MGRN1: variants seen among roughly 807,000 people sequenced by gnomAD.
MGRN1 encodes the protein mahogunin ring finger 1.
In MGRN1, 29 loss-of-function variants were observed where a neutral mutation model predicts 69.2. The ratio of observed to expected loss-of-function variants is 0.42; its 90% CI spans 0.31 to 0.57. The LOEUF is 0.57. Among genes scored for constraint, MGRN1 ranks in the 20% least tolerant of loss-of-function variants. The pLI is 0.15. For missense variants in MGRN1, 998 were observed against 796.2 expected (o/e 1.25, Z -3.05); for synonymous variants, 470 against 344.2 (o/e 1.37, Z -4.04).
chr16:4,673,977 C>T (rs1349400524), intron 10 of MGRN1, among the ~76,000 whole-genome samples: 1 of 152,174 alleles, frequency 6.6e-6, no homozygotes, highest in Non-Finnish European at 1.5e-5. Flanking sequence ...AATCTTTATT[C>T]TTATTTTATT....
At chr16:4,655,063 C>T (rs1201190741) in intron 4 of MGRN1, among the ~76,000 whole-genome samples, 1 of 152,202 alleles carries the variant, frequency 6.6e-6, no homozygotes, top group Non-Finnish European at 1.5e-5. Context: ...GCCCCTCTGT[C>T]CCCTCCTTGC....
In MGRN1 at chr16:4,652,688, G is replaced by T. The variant is rs776858596; in HGVS notation, c.307G>T (p.Asp103Tyr). ...CACCGCCTGGGGTAGGTACAAAGAC[G>T]ATGCCGACAGCCCCACCGAGGACGG... The part of the protein sequence containing the change: ...DSLRLVRYKD[D>Y]ADSPTEDGDK... Residue 103 changes from aspartate (D) to tyrosine (Y), a missense_variant, in exon 4 of 17, where the codon GAT (aspartate) becomes TAT (tyrosine). Physicochemically the swap from Asp to Tyr is radical, Grantham distance 160 (BLOSUM62 -3). Transcript: ENST00000262370. The T allele has an allele frequency of 6.2e-7, 1 of 1,612,576 alleles. No homozygotes were observed. The highest frequency in any genetic ancestry group is 1.7e-5 in the Admixed American group (1 of 59,822).
Position 4,657,738 on chromosome 16 carries a change from C to CTTTTTTTTTTTTTTTTTTTTT in MGRN1, c.561+382_561+402dup, listed in dbSNP as rs1157518931. 1.7e-4 allele frequency among the ~76,000 whole-genome samples: 13 copies of CTTTTTTTTTTTTTTTTTTTTT among 77,000 alleles called. 2 individuals carry two copies. The highest frequency in any genetic ancestry group is 4.6e-4 in the Admixed American group (3 of 6,552). The allele number at this position is 77,000 out of a possible 152,430, so 50.5% of individuals were successfully genotyped here. A position where few individuals can be genotyped will look rare whatever the true frequency, so the allele number is the denominator to read the frequency against. On this transcript the variant is annotated intron_variant, in intron 5 of 16. Coordinates refer to ENST00000262370, the MANE Select transcript of MGRN1 (RefSeq NM_015246.4). ...TGTTTAAAATCTTGGTGCAGACATCCTTTTTTTTTTTTTTTTTTTTTTTTT... is the reference window on the plus strand; with the variant it reads ...TGTTTAAAATCTTGGTGCAGACATCCTTTTTTTTTTTTTTTTTTTTTTTTTTTTTTTTTTTTTTTTTTTTTT...
Position 4,688,879 on chromosome 16 carries a change from C to G in MGRN1, c.1702C>G (p.Pro568Ala), listed in dbSNP as rs529248442. The G allele has an allele frequency of 2.6e-6, 4 of 1,552,406 alleles. No individual in the cohort carries two copies. Among genetic ancestry groups the G allele is most frequent in the South Asian group, 1.2e-5 (1 of 84,412 alleles). Residue 568 changes from proline (P) to alanine (A), a missense_variant, in exon 17 of 17, where the codon CCC (proline) becomes GCC (alanine). By Grantham distance (27) the Pro-to-Ala change is conservative (BLOSUM62 -1). Coordinates refer to ENST00000262370, the MANE Select transcript of MGRN1 (RefSeq NM_015246.4). ...WPPLGGPSPD[P>A]SAAELTPL ...TCCACTTGGTGGCCCCAGCCCCGAT[C>G]CCAGCGCCGCCGAGCTGACCCCACT... is the stretch of plus-strand genomic sequence containing the variant.
At chr16:4,626,017 T>A (rs975084394) in intron 1 of MGRN1, among the ~76,000 whole-genome samples, 9 of 152,212 alleles carry the variant, frequency 5.9e-5, no homozygotes, top group African/African-American at 2.2e-4. Flanking sequence ...GGGGGAGGAC[T>A]GCTAGACATG....
chr16:4,655,059 C>G (rs1256509575), intron 4 of MGRN1, among the ~76,000 whole-genome samples: 1 of 152,230 alleles, frequency 6.6e-6, no homozygotes, highest in Non-Finnish European at 1.5e-5. Context: ...GCAGGCCCCT[C>G]TGTCCCCTCC....
At chr16:4,636,491 C>T (rs895350610) in intron 1 of MGRN1, among the ~76,000 whole-genome samples, 3 of 151,992 alleles carry the variant, frequency 2.0e-5, no homozygotes, top group Non-Finnish European at 4.4e-5. Flanking sequence ...GCGGTGGTGC[C>T]CTTGAGCCTG....
chr16:4,639,920 C>T (rs909079019), intron 1 of MGRN1: 5 of 152,328 alleles, frequency 3.3e-5, no homozygotes, highest in East Asian at 1.9e-4. Flanking sequence ...CTACTTTACT[C>T]ATCTGCCCTC....
At chr16:4,668,140 T>A in intron 7 of MGRN1, 125 bp from the exon 8 acceptor site, 1 of 644,500 alleles carries the variant, frequency 1.6e-6, no homozygotes, top group Non-Finnish European at 2.5e-6. Context: ...TTTTTTTTTC[T>A]TTTTTCTTTT....
At chr16:4,628,848 T>C (rs1897837920) in intron 1 of MGRN1, among the ~76,000 whole-genome samples, 4 of 151,906 alleles carry the variant, frequency 2.6e-5, no homozygotes, top group Admixed American at 2.6e-4. Flanking sequence ...CCCAGCCTTT[T>C]CTGTTTTTTT....
In MGRN1 at chr16:4,671,375, C is replaced by G. The variant is rs758008974; in HGVS notation, c.727-16C>G. ...GCAGTTGGCGAGGGCCCAGTGAGCC[C>G]CTCTCTGCTCTCCAGGTGGACCGGG... On this transcript the variant is annotated splice_polypyrimidine_tract_variant and intron_variant, in intron 8 of 16. Transcript: ENST00000262370. 6.2e-7 allele frequency: 1 copy of G among 1,613,902 alleles called. No homozygotes were observed. Among genetic ancestry groups the G allele is most frequent in the African/African-American group, 1.3e-5 (1 of 75,018 alleles).
In MGRN1 at chr16:4,624,947, C is replaced by A. The variant is rs773438773; in HGVS notation, c.-14C>A. ...TTCCGGCCCTGGCCCCTCTGCCCGG[C>A]AGCGCCGCGCACCATGGGCTCCATT... is the stretch of plus-strand genomic sequence containing the variant. On this transcript the variant is annotated 5_prime_UTR_variant, in exon 1 of 17. Transcript: ENST00000262370. The A allele has an allele frequency of 1.3e-6, 2 of 1,533,098 alleles. No homozygotes were observed. The highest frequency in any genetic ancestry group is 2.0e-5 in the Admixed American group (1 of 49,282). The allele number at this position is 1,533,098 out of a possible 1,614,324, so 95.0% of individuals were successfully genotyped here. A position where few individuals can be genotyped will look rare whatever the true frequency, so the allele number is the denominator to read the frequency against.
At chr16:4,652,876 G>A (rs751096949) in intron 4 of MGRN1, 52 bp downstream of exon 4, 4 of 1,530,200 alleles carry the variant, frequency 2.6e-6, no homozygotes, top group African/African-American at 1.4e-5. Context: ...CCAGACTCCT[G>A]GGGGAGGCTT....
At chr16:4,651,175 A>C in intron 2 of MGRN1, 1 of 152,194 alleles carries the variant, frequency 6.6e-6, no homozygotes, top group East Asian at 1.9e-4. Context: ...TCCAAAGGAG[A>C]GATGCAGACA....
intron 14 of MGRN1, 138 bp downstream of exon 14, chr16:4,683,084 C>T: frequency 1.4e-5 from 21 of 1,503,298 alleles, no homozygotes; most frequent in Non-Finnish European, 1.9e-5. Context: ...TGCGCGGCTC[C>T]TTAGCCTCGG....
intron 7 of MGRN1, among the ~76,000 whole-genome samples, chr16:4,667,193 GT>G (rs2078824394): frequency 6.6e-6 from 1 of 152,230 alleles, no homozygotes; most frequent in Non-Finnish European, 1.5e-5. Context: ...CCAGCCCCAT[GT>G]GCAGCCGCAG....
chr16:4,627,937 G>C (rs879443832), intron 1 of MGRN1, among the ~76,000 whole-genome samples: 2 of 146,158 alleles, frequency 1.4e-5, no homozygotes, highest in Non-Finnish European at 3.0e-5. Context: ...AAAATTAGCT[G>C]GGTGTGGTGG....
intron 7 of MGRN1, among the ~76,000 whole-genome samples, chr16:4,666,079 T>G (rs1204311585): frequency 6.6e-6 from 1 of 151,896 alleles, no homozygotes; most frequent in Non-Finnish European, 1.5e-5. Flanking sequence ...TCCACCTGCC[T>G]CGGCCTCCCA....
intron 3 of MGRN1, among the ~76,000 whole-genome samples, chr16:4,652,313 C>G (rs767582420): frequency 6.6e-5 from 10 of 152,092 alleles, no homozygotes; most frequent in African/African-American, 2.4e-4. Flanking sequence ...CTTGGCATCT[C>G]AGGTGGGTGC....
Sources: allele counts gnomAD v4.1 joint callset (sites outside exome capture counted in the v4.1 genomes callset), GRCh38; gene constraint gnomAD v4.1.1; transcripts MANE v1.5; gene names NCBI Gene and HGNC (gene_info 2026-07-23, HGNC 2026-07-21).